The following IQSEC3 variants were observed in gnomAD, a reference collection of about 807,000 sequenced individuals.
The protein encoded by IQSEC3 is IQ motif and Sec7 domain ArfGEF 3.
A neutral mutation model predicts 105.4 loss-of-function variants in IQSEC3; 50 were observed. The observed-to-expected ratio is 0.47, with a 90% CI of 0.38 to 0.60. The LOEUF is 0.60. IQSEC3 is among the 20% of genes least tolerant of loss of function. IQSEC3 has a pLI of 0.00. For missense variants in IQSEC3, 1,415 were observed against 1,630.0 expected, an observed-to-expected ratio of 0.87 and a Z score of 2.27; for synonymous variants, 708 against 746.0, an observed-to-expected ratio of 0.95 and a Z score of 0.83.
intron 1 of IQSEC3, among the ~76,000 whole-genome samples, chr12:92,745 G>T (rs1864128940): frequency 6.6e-6 from 1 of 152,202 alleles, no homozygotes; most frequent in Non-Finnish European, 1.5e-5. Flanking sequence ...ATGCAGAGAT[G>T]CTGCATGCCA....
At position 125,916 on chromosome 12, in the gene IQSEC3, C is replaced by A. The variant is rs1555083309; in HGVS notation, c.903+4C>A. The A allele has an allele frequency of 6.5e-7, 1 of 1,531,684 alleles. No homozygotes were observed. Among genetic ancestry groups the A allele is most frequent in the Non-Finnish European group, 8.7e-7 (1 of 1,145,558 alleles). The allele number at this position is 1,531,684 out of a possible 1,614,324, so 94.9% of individuals were successfully genotyped here. ...CCTTGACCTAAAGAATAAACAGGTA[C>A]CCAGGGCCTCCTAGGGGGGCGGGGA... On this transcript the variant is annotated splice_donor_region_variant and intron_variant, in intron 3 of 13. Coordinates refer to ENST00000538872, the MANE Select transcript of IQSEC3 (RefSeq NM_001170738.2).
chr12:140,478 T>C (rs375699115), intron 4 of IQSEC3: 1 of 152,232 alleles, frequency 6.6e-6, no homozygotes, highest in African/African-American at 2.4e-5. Context: ...ACAGGAATTC[T>C]TAAACTATCC....
chr12:73,398 T>A (rs1466044640), intron 1 of IQSEC3, among the ~76,000 whole-genome samples: 1 of 152,282 alleles, frequency 6.6e-6, no homozygotes, highest in Non-Finnish European at 1.5e-5. Context: ...GGGTACATAG[T>A]AAGTGCTCAA....
intron 2 of IQSEC3, among the ~76,000 whole-genome samples, chr12:109,773 A>T (rs782318794): frequency 1.5e-4 from 23 of 151,798 alleles, no homozygotes; most frequent in African/African-American, 5.6e-4. Context: ...TTCCTTTTGC[A>T]TTATTTTTCT....
chr12:131,750 G>A (rs1191999048), intron 3 of IQSEC3, among the ~76,000 whole-genome samples: 1 of 151,976 alleles, frequency 6.6e-6, no homozygotes, highest in Non-Finnish European at 1.5e-5. Context: ...TGGGGAGGAA[G>A]GTGGCACTGA....
chr12:160,700 C>T (rs1433342181), intron 7 of IQSEC3, among the ~76,000 whole-genome samples: 2 of 152,184 alleles, frequency 1.3e-5, no homozygotes, highest in African/African-American at 2.4e-5. Context: ...CCCACCTTCA[C>T]CTTCGCTTTT....
rs141934093 is a variant in IQSEC3 at position 162,051 on chromosome 12, G to A, written c.2569G>A (p.Val857Met). Residue 857 changes from valine to methionine, a missense_variant, in exon 8 of 14, where the codon GTG becomes ATG. Transcript: ENST00000538872. ...CGTCACCAAGGTGGAGAAGTCCATT[G>A]TGGGCATGAAGACAGTGAGTGTCCA... is the stretch of plus-strand genomic sequence containing the variant. Reference protein sequence around the residue: ...TYVTKVEKSIVGMKTVLSVPH... With the variant: ...TYVTKVEKSIMGMKTVLSVPH... 129 of 1,613,810 alleles carry A rather than the reference G, an allele frequency of 8.0e-5. No individual in the cohort carries two copies. In the African/African-American group the frequency reaches 1.6e-3, roughly 20 times the overall value.
intron 3 of IQSEC3, among the ~76,000 whole-genome samples, chr12:129,527 C>A (rs150568166): frequency 1.3e-5 from 2 of 152,304 alleles, no homozygotes; most frequent in African/African-American, 4.8e-5. Context: ...CCTCTCACCC[C>A]ACCCCAGCAG....
At chr12:145,625 C>A (rs1555090759) in intron 5 of IQSEC3, among the ~76,000 whole-genome samples, 1 of 152,200 alleles carries the variant, frequency 6.6e-6, no homozygotes, top group African/African-American at 2.4e-5. Flanking sequence ...GAGCATCCTG[C>A]AGCCTGAGGA....
intron 1 of IQSEC3, among the ~76,000 whole-genome samples, chr12:85,744 C>T (rs1323898528): frequency 2.0e-5 from 3 of 152,176 alleles, no homozygotes; most frequent in Non-Finnish European, 2.9e-5. Context: ...GGCTGTGATA[C>T]TGAGCAAATA....
intron 2 of IQSEC3, among the ~76,000 whole-genome samples, chr12:99,688 C>A (rs1419073077): frequency 3.3e-5 from 5 of 152,218 alleles, no homozygotes; most frequent in African/African-American, 1.2e-4. Flanking sequence ...GCTCTCTCAG[C>A]CCTGGCTGCT....
intron 2 of IQSEC3, among the ~76,000 whole-genome samples, chr12:113,564 G>A (rs1452774340): frequency 6.6e-6 from 1 of 152,152 alleles, no homozygotes; most frequent in Non-Finnish European, 1.5e-5. Flanking sequence ...CATGTTCCAT[G>A]TTTATACTGA....
intron 2 of IQSEC3, among the ~76,000 whole-genome samples, chr12:107,712 T>G (rs1445833844): frequency 6.6e-6 from 1 of 152,106 alleles, no homozygotes; most frequent in African/African-American, 2.4e-5. Flanking sequence ...GCCCGGCCGG[T>G]AGTCTGTTTT....
intron 1 of IQSEC3, among the ~76,000 whole-genome samples, chr12:96,904 A>G (rs142791812): frequency 4.1e-4 from 62 of 152,248 alleles, no homozygotes; most frequent in African/African-American, 1.4e-3. Flanking sequence ...ACGCTTCATA[A>G]TTCACATCTA....
Position 174,936 on chromosome 12 carries a change from C to T in IQSEC3, c.3452C>T (p.Pro1151Leu), listed in dbSNP as rs762793793. The T allele has an allele frequency of 1.0e-5, 16 of 1,532,508 alleles. No individual in the cohort carries two copies. In the East Asian group the frequency reaches 1.2e-4, roughly 12 times the overall value. 94.9% of individuals were successfully genotyped at this position (1,532,508 alleles called of 1,614,324 possible). A position where few individuals can be genotyped will look rare whatever the true frequency, so the allele number is the denominator to read the frequency against. ...VKVTHQPPLP[P>L]PPPPYNHPHQ... ...GTCACCCACCAGCCTCCGCTGCCCC[C>T]GCCCCCACCCCCCTACAACCACCCT... is the stretch of plus-strand genomic sequence containing the variant. The change falls in exon 14 of 14, where the codon CCG becomes CTG. Residue 1151 changes from proline to leucine, a missense_variant. Physicochemically the swap from Pro to Leu is moderately conservative, Grantham distance 98. Coordinates refer to ENST00000538872, the MANE Select transcript of IQSEC3 (RefSeq NM_001170738.2).
intron 1 of IQSEC3, among the ~76,000 whole-genome samples, chr12:75,063 A>G (rs1220398422): frequency 6.6e-6 from 1 of 152,294 alleles, no homozygotes; most frequent in Non-Finnish European, 1.5e-5. Context: ...TTCCACAGTC[A>G]GAGACGACTT....
chr12:144,228 G>A (rs1174273190), intron 5 of IQSEC3: 3 of 152,152 alleles, frequency 2.0e-5, no homozygotes, highest in African/African-American at 7.2e-5. Context: ...AGCAGGGGAG[G>A]GGGGCGCTGG....
chr12:112,912 T>C (rs554793012), intron 2 of IQSEC3, among the ~76,000 whole-genome samples: 1 of 151,996 alleles, frequency 6.6e-6, no homozygotes, highest in Admixed American at 6.5e-5. Flanking sequence ...ATTATCATAA[T>C]ATTTTATTAT....
intron 5 of IQSEC3, among the ~76,000 whole-genome samples, chr12:149,993 C>G (rs1240497454): frequency 1.3e-5 from 2 of 152,144 alleles, no homozygotes; most frequent in Non-Finnish European, 2.9e-5. Context: ...AAGTTAGCAG[C>G]CTAGAAGGAT....
Sources: gnomAD v4.1 joint callset for allele counts (sites outside exome capture counted in the v4.1 genomes callset) on GRCh38, gnomAD v4.1.1 for gene constraint, MANE v1.5 for transcripts, NCBI Gene and HGNC (gene_info 2026-07-23, HGNC 2026-07-21) for gene names.